Variants in PDGFC observed in about 807,000 individuals in gnomAD.
PDGFC encodes the protein platelet derived growth factor C.
A neutral mutation model predicts 35.5 loss-of-function variants in PDGFC; 12 were observed. The ratio of observed to expected loss-of-function variants is 0.34; its 90% CI spans 0.22 to 0.55. The LOEUF (loss-of-function observed/expected upper bound fraction) is 0.55, where lower values mean the gene tolerates loss of function less well. Ranked by LOEUF, PDGFC falls within the 20% of genes least tolerant of loss-of-function variation. PDGFC has a pLI of 0.91. For synonymous variants in PDGFC, 159 were observed against 148.8 expected (o/e 1.07, Z -0.50); for missense variants, 322 against 412.4 (o/e 0.78, Z 1.90).
At chr4:156,844,671 A>G (rs1326451367) in intron 2 of PDGFC, among the ~76,000 whole-genome samples, 4 of 149,602 alleles carry the variant, frequency 2.7e-5, no homozygotes, top group African/African-American at 5.1e-5. Flanking sequence ...AAATTACTTG[A>G]TTTGCTACAT....
At position 156,962,222 on chromosome 4, in the gene PDGFC, C is replaced by G. The variant is rs1732361031; in HGVS notation, c.118+8564G>C. Among the ~76,000 whole-genome samples the G allele has an allele frequency of 2.0e-5, 3 of 152,240 alleles. No individual in the cohort carries two copies. In the South Asian group the frequency reaches 6.2e-4, roughly 32 times the overall value. The stretch of plus-strand genomic sequence containing the variant: ...CTAGCCTCTCCTCACTCTCAACATT[C>G]TCGATGCTTCTTGTCTCTCGCCCAT... On this transcript the variant is annotated intron_variant, in intron 1 of 5. Transcript: ENST00000502773.
chr4:156,764,765 T>G (rs571098513), intron 5 of PDGFC, among the ~76,000 whole-genome samples: 1 of 152,212 alleles, frequency 6.6e-6, no homozygotes, highest in Non-Finnish European at 1.5e-5. Context: ...TTTGAAAAAT[T>G]TAGTGTGTCA....
At chr4:156,907,292 C>A (rs1024406189) in intron 1 of PDGFC, among the ~76,000 whole-genome samples, 4 of 152,174 alleles carry the variant, frequency 2.6e-5, no homozygotes, top group Non-Finnish European at 5.9e-5. Context: ...GATTTTCTTA[C>A]ATTAGCACCT....
chr4:156,817,316 TCAA>T (rs1257999732), intron 2 of PDGFC, among the ~76,000 whole-genome samples: 1 of 152,134 alleles, frequency 6.6e-6, no homozygotes, highest in Non-Finnish European at 1.5e-5. Context: ...AAGCTGATTC[TCAA>T]CAAGGGGTTA....
intron 1 of PDGFC, among the ~76,000 whole-genome samples, chr4:156,896,551 T>A (rs1730637660): frequency 6.6e-6 from 1 of 152,162 alleles, no homozygotes; most frequent in African/African-American, 2.4e-5. Context: ...ACACCTTTAA[T>A]CCCAATTTAA....
intron 3 of PDGFC, among the ~76,000 whole-genome samples, chr4:156,775,538 G>T (rs1457468160): frequency 6.6e-6 from 1 of 152,108 alleles, no homozygotes; most frequent in Non-Finnish European, 1.5e-5. Context: ...GGCTTATTTT[G>T]CTTCCAGTCT....
chr4:156,800,570 A>G (rs1000875951), intron 3 of PDGFC, among the ~76,000 whole-genome samples: 15 of 152,230 alleles, frequency 9.9e-5, no homozygotes, highest in Non-Finnish European at 2.9e-5. Flanking sequence ...ATTTATGAGA[A>G]TACTGATGAG....
At chr4:156,949,477 C>T (rs1732029104) in intron 1 of PDGFC, among the ~76,000 whole-genome samples, 1 of 151,772 alleles carries the variant, frequency 6.6e-6, no homozygotes, top group Non-Finnish European at 1.5e-5. Flanking sequence ...CTCTTGCTCA[C>T]ACACTGTCTG....
At chr4:156,877,590 A>T (rs886861376) in intron 1 of PDGFC, among the ~76,000 whole-genome samples, 1 of 152,180 alleles carries the variant, frequency 6.6e-6, no homozygotes, top group African/African-American at 2.4e-5. Flanking sequence ...TATGCAAAGG[A>T]TTATTCGAGG....
chr4:156,850,766 TAAAAATA>T (rs548725783), intron 1 of PDGFC, among the ~76,000 whole-genome samples: 125 of 152,178 alleles, frequency 8.2e-4, no homozygotes, highest in African/African-American at 3.0e-3. Context: ...CATTTTAGAA[TAAAAATA>T]CACTAGATAT....
intron 1 of PDGFC, among the ~76,000 whole-genome samples, chr4:156,903,769 G>A (rs900731432): frequency 1.3e-5 from 2 of 152,106 alleles, no homozygotes; most frequent in Admixed American, 6.5e-5. Context: ...TCTGTAAAAC[G>A]AGTAATTCTG....
At chr4:156,838,564 A>T (rs1179578722) in intron 2 of PDGFC, among the ~76,000 whole-genome samples, 1 of 152,184 alleles carries the variant, frequency 6.6e-6, no homozygotes, top group Non-Finnish European at 1.5e-5. Context: ...GTAGAATGCA[A>T]ATCTATACAG....
intron 1 of PDGFC, among the ~76,000 whole-genome samples, chr4:156,964,303 T>A (rs1476539265): frequency 6.6e-6 from 1 of 151,394 alleles, no homozygotes; most frequent in Non-Finnish European, 1.5e-5. Flanking sequence ...TAAAGTACAG[T>A]TCTAACATAA....
At chr4:156,915,518 C>CG (rs1040891735) in intron 1 of PDGFC, among the ~76,000 whole-genome samples, 66 of 152,086 alleles carry the variant, frequency 4.3e-4, no homozygotes, top group African/African-American at 1.2e-3. Flanking sequence ...AAACAAGGTG[C>CG]GGGGGGGCAG....
chr4:156,785,947 T>C (rs2110863296), intron 3 of PDGFC, among the ~76,000 whole-genome samples: 1 of 152,308 alleles, frequency 6.6e-6, no homozygotes, highest in Non-Finnish European at 1.5e-5. Context: ...CTCTATTCTG[T>C]ATCGCTTTGC....
intron 1 of PDGFC, among the ~76,000 whole-genome samples, chr4:156,869,401 A>G (rs973284807): frequency 6.6e-6 from 1 of 151,824 alleles, no homozygotes; most frequent in African/African-American, 2.4e-5. Flanking sequence ...GCGCCACTGC[A>G]CTCCAGCCTG....
intron 1 of PDGFC, among the ~76,000 whole-genome samples, chr4:156,954,709 T>G (rs763989398): frequency 1.3e-5 from 2 of 152,046 alleles, no homozygotes; most frequent in Non-Finnish European, 2.9e-5. Context: ...TGCATTCATT[T>G]TACTCAGTCT....
At chr4:156,958,696 G>T (rs868439206) in intron 1 of PDGFC, among the ~76,000 whole-genome samples, 3 of 151,926 alleles carry the variant, frequency 2.0e-5, no homozygotes, top group Non-Finnish European at 4.4e-5. Flanking sequence ...CCATTAATGC[G>T]CAGCACAACA....
chr4:156,884,384 G>A (rs1296642775), intron 1 of PDGFC, among the ~76,000 whole-genome samples: 1 of 152,126 alleles, frequency 6.6e-6, no homozygotes, highest in African/African-American at 2.4e-5. Flanking sequence ...TCAGTGGGCT[G>A]GCAATAAAGA....
Sources: gnomAD v4.1 joint callset for allele counts (sites outside exome capture counted in the v4.1 genomes callset) on GRCh38, gnomAD v4.1.1 for gene constraint, MANE v1.5 for transcripts, NCBI Gene and HGNC (gene_info 2026-07-23, HGNC 2026-07-21) for gene names.